The following GSG1L variants were observed in gnomAD, a reference collection of about 807,000 sequenced individuals.
GSG1L encodes the protein germ cell-specific gene 1-like protein.
Under a neutral mutation model 42.1 loss-of-function variants are expected in GSG1L, and 24 were observed. The ratio of observed to expected loss-of-function variants is 0.57; its 90% CI spans 0.41 to 0.80. GSG1L has a LOEUF of 0.80. GSG1L is among the 30% of genes least tolerant of loss of function. The pLI is 0.00. For missense variants in GSG1L, 445 were observed against 472.2 expected, an observed-to-expected ratio of 0.94 and a Z score of 0.53; for synonymous variants, 215 against 203.5, an observed-to-expected ratio of 1.06 and a Z score of -0.48.
Position 27,846,707 on chromosome 16 carries a change from C to T in GSG1L, c.551-1646G>A, listed in dbSNP as rs1426272803. The stretch of plus-strand genomic sequence containing the variant: ...CGGTGGCTCATGCCTGTAATCCCAG[C>T]ATTTTGGGAGGCCGAGGCATGCGGA... On this transcript the variant is annotated intron_variant, in intron 3 of 6. Transcript: ENST00000447459. 5.3e-5 allele frequency among the ~76,000 whole-genome samples: 8 copies of T among 152,256 alleles called. No homozygotes were observed. The South Asian group carries it at 1.5e-3, about 28-fold the overall frequency.
intron 1 of GSG1L, among the ~76,000 whole-genome samples, chr16:28,020,663 A>G (rs2085832307): frequency 6.6e-6 from 1 of 152,212 alleles, no homozygotes; most frequent in African/African-American, 2.4e-5. Context: ...TGTGTGACCA[A>G]CAACTGCAGA....
rs181005388 is a variant in GSG1L, at chr16:27,792,172, C to A, written c.899-705G>T. Among the ~76,000 whole-genome samples the A allele has an allele frequency of 7.9e-5, 12 of 152,278 alleles. No individual in the cohort carries two copies. In the East Asian group the frequency reaches 1.9e-3, roughly 24 times the overall value. On this transcript the variant is annotated intron_variant, in intron 6 of 6. Transcript: ENST00000447459. Reference sequence around the variant, plus strand: ...GCCCCCAAGCAGGCCTCCTTGAGCACCCCATTTGCCTTATATGTGTTCAGG... The same window carrying A: ...GCCCCCAAGCAGGCCTCCTTGAGCAACCCATTTGCCTTATATGTGTTCAGG...
intron 2 of GSG1L, among the ~76,000 whole-genome samples, chr16:27,939,804 C>T (rs1412413962): frequency 6.6e-6 from 1 of 152,160 alleles, no homozygotes; most frequent in African/African-American, 2.4e-5. Flanking sequence ...TTCTTTCCCT[C>T]ATGCATGCCA....
At chr16:27,813,175 G>T (rs575762896) in intron 5 of GSG1L, among the ~76,000 whole-genome samples, 63 of 152,298 alleles carry the variant, frequency 4.1e-4, no homozygotes, top group African/African-American at 1.3e-3. Context: ...TTGGTGTACA[G>T]ACTATTTTGT....
At chr16:28,042,538 A>G (rs894982191) in intron 1 of GSG1L, among the ~76,000 whole-genome samples, 1 of 152,186 alleles carries the variant, frequency 6.6e-6, no homozygotes, top group African/African-American at 2.4e-5. Context: ...GAGATATGTC[A>G]GGAAGATTCC....
In GSG1L at chr16:28,063,026, C is replaced by T; in HGVS notation, c.349+50G>A. On this transcript the variant is annotated intron_variant, in intron 1 of 6. Coordinates refer to ENST00000447459, the MANE Select transcript of GSG1L (RefSeq NM_001109763.2). This position sits in a 1 kb window ranked among gnomAD's most constrained non-coding sequence, Gnocchi z 5.8. ...CGGGGCTCGGGCCTCGATGGCCGCG[C>T]CGCCCCGGGGGAGCCGGAGCCGAGC... The T allele has an allele frequency of 5.2e-6, 7 of 1,336,344 alleles. No individual in the cohort carries two copies. The highest frequency in any genetic ancestry group is 6.7e-6 in the Non-Finnish European group (7 of 1,042,784). 82.8% of individuals were successfully genotyped at this position (1,336,344 alleles called of 1,614,324 possible). A position where few individuals can be genotyped will look rare whatever the true frequency, so the allele number is the denominator to read the frequency against.
intron 1 of GSG1L, among the ~76,000 whole-genome samples, chr16:28,000,169 C>T (rs2085566479): frequency 6.6e-6 from 1 of 152,200 alleles, no homozygotes; most frequent in Non-Finnish European, 1.5e-5. Context: ...ATTCTGTGCG[C>T]TCAAAAGTTA....
chr16:27,865,361 G>GC (rs1423261221), intron 3 of GSG1L, among the ~76,000 whole-genome samples: 2 of 151,620 alleles, frequency 1.3e-5, no homozygotes, highest in African/African-American at 4.8e-5. Context: ...AGTGTCCCCT[G>GC]CCCCAGCATC....
At chr16:27,903,642 C>A (rs552445245) in intron 2 of GSG1L, among the ~76,000 whole-genome samples, 106 of 152,304 alleles carry the variant, frequency 7.0e-4, no homozygotes, top group Admixed American at 1.2e-3. Context: ...AGATGCCCCC[C>A]CTTGGGGCCC....
intron 2 of GSG1L, among the ~76,000 whole-genome samples, chr16:27,928,532 C>G (rs548745969): frequency 0.014 from 2,154 of 152,052 alleles, 46 homozygotes; most frequent in African/African-American, 0.048. Flanking sequence ...CAAAACAAAA[C>G]AAAACAAAAC....
chr16:28,024,891 G>C (rs534503134), intron 1 of GSG1L, among the ~76,000 whole-genome samples: 2 of 152,314 alleles, frequency 1.3e-5, no homozygotes, highest in Admixed American at 1.3e-4. Context: ...AGAGGGGAAG[G>C]CTTTCTTACA....
intron 1 of GSG1L, among the ~76,000 whole-genome samples, chr16:27,982,941 G>A (rs2085340455): frequency 6.6e-6 from 1 of 152,096 alleles, no homozygotes; most frequent in African/African-American, 2.4e-5. Flanking sequence ...GATTTGTAGG[G>A]GACAAATTAC....
intron 4 of GSG1L, among the ~76,000 whole-genome samples, chr16:27,830,717 G>A (rs547399492): frequency 3.3e-5 from 5 of 152,306 alleles, no homozygotes; most frequent in South Asian, 2.1e-4. Context: ...ACCATCTGGT[G>A]AAAGCTGGTC....
At chr16:27,803,481 C>A (rs941539877) in intron 6 of GSG1L, among the ~76,000 whole-genome samples, 2 of 152,194 alleles carry the variant, frequency 1.3e-5, no homozygotes, top group East Asian at 3.9e-4. Context: ...AGTCTCTCTT[C>A]CTCACTCCTA....
At chr16:27,826,398 G>A (rs377309823) in intron 5 of GSG1L, among the ~76,000 whole-genome samples, 5 of 152,258 alleles carry the variant, frequency 3.3e-5, no homozygotes, top group East Asian at 1.9e-4. Flanking sequence ...CCTCGTCCTC[G>A]TCCTCTGCTG....
In GSG1L at chr16:28,031,392, A is replaced by AGATGGGATAGGTTGGGATGGGAT. The variant is rs1185298837; in HGVS notation, c.349+31661_349+31683dup. 4.5e-5 allele frequency among the ~76,000 whole-genome samples: 6 copies of AGATGGGATAGGTTGGGATGGGAT among 134,248 alleles called. No individual in the cohort carries two copies. In the South Asian group the frequency reaches 7.5e-4, roughly 17 times the overall value. The allele number at this position is 134,248 out of a possible 152,430, so 88.1% of individuals were successfully genotyped here. A position where few individuals can be genotyped will look rare whatever the true frequency, so the allele number is the denominator to read the frequency against. On this transcript the variant is annotated intron_variant, in intron 1 of 6. Coordinates refer to ENST00000447459, the MANE Select transcript of GSG1L (RefSeq NM_001109763.2). ...GGATGAGATGGGATGGGATGGGATG[A>AGATGGGATAGGTTGGGATGGGAT]GATGGGATAGGTTGGGATGGGATGA... is the stretch of plus-strand genomic sequence containing the variant.
rs1351889203 is a variant in GSG1L, at chr16:27,787,703, G to A, written c.*3667C>T. 6.6e-6 allele frequency: 1 copy of A among 152,128 alleles called. No homozygotes were observed. The highest frequency in any genetic ancestry group is 2.4e-5 in the African/African-American group (1 of 41,416). The allele number at this position is 152,128 out of a possible 1,614,324, so 9.4% of individuals were successfully genotyped here. On this transcript the variant is annotated 3_prime_UTR_variant, in exon 7 of 7. Coordinates refer to ENST00000447459, the MANE Select transcript of GSG1L (RefSeq NM_001109763.2). ...TTACATAAACACAACTATTAAAATA[G>A]ATTAAAATTTTCCCCATGTGTCAAC...
intron 1 of GSG1L, among the ~76,000 whole-genome samples, chr16:27,964,492 T>C (rs556447391): frequency 6.6e-6 from 1 of 152,366 alleles, no homozygotes; most frequent in South Asian, 2.1e-4. Context: ...CAATTGTGGA[T>C]AGCAGCACTA....
intron 3 of GSG1L, among the ~76,000 whole-genome samples, chr16:27,882,390 C>G (rs575956441): frequency 2.0e-5 from 3 of 152,084 alleles, no homozygotes; most frequent in Non-Finnish European, 4.4e-5. Flanking sequence ...CAAACCCGAC[C>G]GTGTTGCCCC....
Sources: allele counts gnomAD v4.1 joint callset (sites outside exome capture counted in the v4.1 genomes callset), GRCh38; gene constraint gnomAD v4.1.1; non-coding constraint Gnocchi (gnomAD v3.1); transcripts MANE v1.5; gene names NCBI Gene and HGNC (gene_info 2026-07-23, HGNC 2026-07-21).